The following FAM91A1 variants were observed in gnomAD, a reference collection of about 807,000 sequenced individuals.
FAM91A1 encodes family with sequence similarity 91 member A1.
A neutral mutation model predicts 113.5 loss-of-function variants in FAM91A1; 41 were observed. That is an observed-to-expected ratio of 0.36 (90% CI 0.28 to 0.47). The LOEUF is 0.47. FAM91A1 is among the 20% of genes least tolerant of loss of function. The probability of loss-of-function intolerance (pLI) is 1.00; values close to 1 mark genes in which losing one functional copy is unlikely to be tolerated. For missense variants in FAM91A1, 696 were observed against 1,001.2 expected (o/e 0.70, Z 4.11); for synonymous variants, 307 against 347.9 (o/e 0.88, Z 1.31).
At chr8:123,790,242 G>T (rs912980632) in intron 15 of FAM91A1, among the ~76,000 whole-genome samples, 2 of 152,174 alleles carry the variant, frequency 1.3e-5, no homozygotes, top group Admixed American at 1.3e-4. Flanking sequence ...CAATTTTAAG[G>T]TATTGATGAA....
chr8:123,793,774 T>C (rs959609964), intron 15 of FAM91A1, among the ~76,000 whole-genome samples: 3 of 152,234 alleles, frequency 2.0e-5, no homozygotes, highest in Admixed American at 6.5e-5. Flanking sequence ...TCATTGCTTC[T>C]AGGCATTTTC....
chr8:123,777,098 T>C (rs535702298), intron 3 of FAM91A1, among the ~76,000 whole-genome samples, 167 bp from the exon 4 acceptor site: 2 of 152,246 alleles, frequency 1.3e-5, no homozygotes, highest in Admixed American at 6.5e-5. Context: ...GTTGGGAACA[T>C]GTGTGGAAAG....
intron 15 of FAM91A1, among the ~76,000 whole-genome samples, chr8:123,796,461 C>CTT (rs71289612): frequency 1.0e-4 from 13 of 129,038 alleles, no homozygotes; most frequent in Non-Finnish European, 9.8e-5. Context: ...GAGTGAAGGG[C>CTT]TTTTTTTTTT....
intron 14 of FAM91A1, 145 bp from the exon 15 acceptor site, chr8:123,789,468 G>A: frequency 9.0e-7 from 1 of 1,110,336 alleles, no homozygotes; most frequent in Non-Finnish European, 1.3e-6. Flanking sequence ...CCAAGACTGA[G>A]GTTAATAACT....
chr8:123,769,325 A>G (rs971397866), intron 1 of FAM91A1, among the ~76,000 whole-genome samples: 1 of 152,186 alleles, frequency 6.6e-6, no homozygotes, highest in African/African-American at 2.4e-5. Context: ...CAAAGCTTGG[A>G]TGAGTGAAAG....
In FAM91A1 at chr8:123,778,739, G is replaced by A; in HGVS notation, c.516G>A (p.Val172=). 2 of 1,599,552 alleles carry A rather than the reference G, an allele frequency of 1.3e-6. No individual in the cohort carries two copies. Among genetic ancestry groups the A allele is most frequent in the Non-Finnish European group, 8.5e-7 (1 of 1,173,324 alleles). Residue 172 remains valine, a synonymous_variant, in exon 6 of 24, where the codon GTG becomes GTA. Coordinates refer to ENST00000334705, the MANE Select transcript of FAM91A1 (RefSeq NM_144963.4). ...VEIAIEAWWV[V]QAGYITEDDI... ...TTGCCATAGAGGCGTGGTGGGTGGTGCAGGCTGGCTATATCACAGAAGATG... is the reference window on the plus strand; with the variant it reads ...TTGCCATAGAGGCGTGGTGGGTGGTACAGGCTGGCTATATCACAGAAGATG...
At chr8:123,769,439 G>T (rs1245858785) in intron 1 of FAM91A1, among the ~76,000 whole-genome samples, 2 of 152,206 alleles carry the variant, frequency 1.3e-5, no homozygotes, top group Non-Finnish European at 2.9e-5. Flanking sequence ...GATGAGCCTG[G>T]AAAAGTGGTC....
rs1815986002 is a variant in FAM91A1 at position 123,812,609 on chromosome 8, C to T, written c.2422C>T (p.Pro808Ser). 6.2e-7 allele frequency: 1 copy of T among 1,611,624 alleles called. No individual in the cohort carries two copies. Among genetic ancestry groups the T allele is most frequent in the African/African-American group, 1.3e-5 (1 of 74,848 alleles). The change falls in exon 24 of 24, where the codon CCT (proline) becomes TCT (serine). Residue 808 changes from proline (P) to serine (S), a missense_variant. Coordinates refer to ENST00000334705, the MANE Select transcript of FAM91A1 (RefSeq NM_144963.4). Reference protein sequence around the residue: ...SSCADMGVPLPAKNLIFKDGV... With the variant: ...SSCADMGVPLSAKNLIFKDGV... Reference sequence around the variant, plus strand: ...GTGTGCTGACATGGGTGTTCCACTTCCTGCAAAAAACTTAATATTTAAAGA... The same window carrying T: ...GTGTGCTGACATGGGTGTTCCACTTTCTGCAAAAAACTTAATATTTAAAGA...
chr8:123,786,712 T>C, intron 12 of FAM91A1, 102 bp downstream of exon 12: 2 of 901,648 alleles, frequency 2.2e-6, no homozygotes, highest in Non-Finnish European at 1.8e-6. Context: ...TAGATTTTAT[T>C]CAATACGCAG....
At position 123,806,100 on chromosome 8, in the gene FAM91A1, G is replaced by A. The variant is rs746269175; in HGVS notation, c.1903G>A (p.Gly635Ser). 1 of 1,604,646 alleles carries A rather than the reference G, an allele frequency of 6.2e-7. No homozygotes were observed. Among genetic ancestry groups the A allele is most frequent in the Non-Finnish European group, 8.5e-7 (1 of 1,174,510 alleles). ...TGTAGAGTTCACTCGTGTCAATATGGGTGTTCATAAAGCATTGCAGATACT... is the reference window on the plus strand; with the variant it reads ...TGTAGAGTTCACTCGTGTCAATATGAGTGTTCATAAAGCATTGCAGATACT... ...LQGEFTRVNM[G>S]VHKALQILRN... The change falls in exon 20 of 24, where the codon GGT becomes AGT. Residue 635 changes from glycine (G) to serine (S), a missense_variant. Coordinates refer to ENST00000334705, the MANE Select transcript of FAM91A1 (RefSeq NM_144963.4).
chr8:123,775,165 A>G lies in FAM91A1; in HGVS notation c.176A>G (p.Asp59Gly), dbSNP rs1216635934. 6.8e-6 allele frequency: 11 copies of G among 1,608,798 alleles called. No individual in the cohort carries two copies. Among genetic ancestry groups the G allele is most frequent in the Non-Finnish European group, 9.3e-6 (11 of 1,177,604 alleles). Residue 59 changes from aspartate to glycine, a missense_variant, in exon 3 of 24, where the codon GAT becomes GGT. By Grantham distance (94) the Asp-to-Gly change is moderately conservative. Coordinates refer to ENST00000334705, the MANE Select transcript of FAM91A1 (RefSeq NM_144963.4). ...TGTGCAGTTAAACATGTCAAGAAAG[A>G]TGAACGCAGATACTATGAGGAACTG... The part of the protein sequence containing the change: ...RNNLVKHVKK[D>G]ERRYYEELLK...
rs528831412 is a variant in FAM91A1, at chr8:123,813,742, T to C, written c.*1038T>C. 1 of 152,426 alleles carries C rather than the reference T, an allele frequency of 6.6e-6. No individual in the cohort carries two copies. Among genetic ancestry groups the C allele is most frequent in the Non-Finnish European group, 1.5e-5 (1 of 68,048 alleles). The allele number at this position is 152,426 out of a possible 1,614,324, so 9.4% of individuals were successfully genotyped here. A position where few individuals can be genotyped will look rare whatever the true frequency, so the allele number is the denominator to read the frequency against. ...TCTTGAGTCATTGATTCTTTTAGCA[T>C]CTCAAATGTTAATTAGAATAATTGG... On this transcript the variant is annotated 3_prime_UTR_variant, in exon 24 of 24. Coordinates refer to ENST00000334705, the MANE Select transcript of FAM91A1 (RefSeq NM_144963.4).
At chr8:123,801,231 C>A (rs186288844) in intron 18 of FAM91A1, among the ~76,000 whole-genome samples, 2 of 152,224 alleles carry the variant, frequency 1.3e-5, no homozygotes, top group East Asian at 3.9e-4. Flanking sequence ...TACATTTTCC[C>A]GAAGACTAAT....
chr8:123,812,721 G>A lies in FAM91A1; in HGVS notation c.*17G>A. ...TTGCAATAATTTGGTTACACCATTTGTTGCTCACACTTTCTGCCTTTTTTC... is the reference window on the plus strand; with the variant it reads ...TTGCAATAATTTGGTTACACCATTTATTGCTCACACTTTCTGCCTTTTTTC... On this transcript the variant is annotated 3_prime_UTR_variant, in exon 24 of 24. Transcript: ENST00000334705. 1 of 1,531,294 alleles carries A rather than the reference G, an allele frequency of 6.5e-7. No homozygotes were observed. Among genetic ancestry groups the A allele is most frequent in the Non-Finnish European group, 8.7e-7 (1 of 1,142,940 alleles). The allele number at this position is 1,531,294 out of a possible 1,614,324, so 94.9% of individuals were successfully genotyped here.
At chr8:123,792,049 C>T (rs1815398452) in intron 15 of FAM91A1, among the ~76,000 whole-genome samples, 2 of 151,112 alleles carry the variant, frequency 1.3e-5, no homozygotes, top group Admixed American at 6.6e-5. Flanking sequence ...GTGGCAGGCA[C>T]CTGTAATCTT....
chr8:123,810,605 T>C (rs979458832), intron 23 of FAM91A1: 1 of 543,122 alleles, frequency 1.8e-6, no homozygotes, highest in African/African-American at 2.0e-5. Context: ...AAGTGTCTTT[T>C]ATGGGCTGTG....
At chr8:123,804,668 G>A (rs1488186544) in intron 18 of FAM91A1, among the ~76,000 whole-genome samples, 2 of 152,018 alleles carry the variant, frequency 1.3e-5, no homozygotes, top group Non-Finnish European at 2.9e-5. Flanking sequence ...CCTGCACACA[G>A]ATGTGCCCCT....
chr8:123,769,521 C>CA (rs879659262), intron 1 of FAM91A1, among the ~76,000 whole-genome samples: 5 of 152,154 alleles, frequency 3.3e-5, no homozygotes, highest in Non-Finnish European at 5.9e-5. Flanking sequence ...ATGGGTTTAT[C>CA]AGAGATGTTT....
chr8:123,789,462 G>A (rs1183920141), intron 14 of FAM91A1, 151 bp from the exon 15 acceptor site: 1 of 1,061,242 alleles, frequency 9.4e-7, no homozygotes, highest in Admixed American at 2.7e-5. Flanking sequence ...ACTCAACCAA[G>A]ACTGAGGTTA....
Sources: allele counts gnomAD v4.1 joint callset (sites outside exome capture counted in the v4.1 genomes callset), GRCh38; gene constraint gnomAD v4.1.1; transcripts MANE v1.5; gene names NCBI Gene and HGNC (gene_info 2026-07-23, HGNC 2026-07-21).